BMPER: variants seen among roughly 807,000 people sequenced by gnomAD.
BMPER encodes BMP-binding endothelial regulator protein.
In BMPER, 45 loss-of-function variants were observed where a neutral mutation model predicts 87.3. The observed-to-expected ratio is 0.52, with a 90% confidence interval of 0.41 to 0.66. The LOEUF (loss-of-function observed/expected upper bound fraction) is 0.66. Ranked by LOEUF, BMPER falls within the 30% of genes least tolerant of loss-of-function variation. BMPER has a pLI of 0.00. For synonymous variants in BMPER, 326 were observed against 316.2 expected (o/e 1.03, Z -0.33); for missense variants, 784 against 867.5 (o/e 0.90, Z 1.21).
intron 3 of BMPER, among the ~76,000 whole-genome samples, chr7:33,954,078 A>T (rs1785091917): frequency 6.6e-6 from 1 of 152,200 alleles, no homozygotes; most frequent in African/African-American, 2.4e-5. Flanking sequence ...TCCACTGGGC[A>T]TCTATATTCT....
chr7:33,956,958 C>A (rs540379104), intron 3 of BMPER, among the ~76,000 whole-genome samples: 1 of 152,224 alleles, frequency 6.6e-6, no homozygotes, highest in South Asian at 2.1e-4. Flanking sequence ...CTGGCAAAGA[C>A]GTGGAAAATC....
At chr7:33,995,644 A>G (rs781248314) in intron 6 of BMPER, among the ~76,000 whole-genome samples, 4 of 152,220 alleles carry the variant, frequency 2.6e-5, no homozygotes, top group Admixed American at 1.3e-4. Flanking sequence ...CTCTAAGCAG[A>G]CAGAGACCCC....
chr7:34,125,494 A>G (rs943257163), intron 13 of BMPER, among the ~76,000 whole-genome samples: 2 of 152,296 alleles, frequency 1.3e-5, no homozygotes, highest in Non-Finnish European at 1.5e-5. Flanking sequence ...ATTCTATTTT[A>G]AGTCTTTGAA....
intron 3 of BMPER, among the ~76,000 whole-genome samples, chr7:33,962,657 A>G (rs570980270): frequency 8.5e-5 from 13 of 152,272 alleles, no homozygotes; most frequent in African/African-American, 3.1e-4. Flanking sequence ...TGCTGGTTTA[A>G]AGATATCGTA....
At chr7:34,102,430 A>G (rs1247852548) in intron 13 of BMPER, among the ~76,000 whole-genome samples, 1 of 152,200 alleles carries the variant, frequency 6.6e-6, no homozygotes, top group African/African-American at 2.4e-5. Flanking sequence ...GTCTGTGAAG[A>G]TGCAAATCAT....
chr7:34,097,046 G>A lies in BMPER; in HGVS notation c.1745+10954G>A, dbSNP rs150239266. ...AGCAAAACAAGTTAACAGGAATGTC[G>A]AGAGAGAGGGTTGTGTTTTCTGATA... On this transcript the variant is annotated intron_variant, in intron 13 of 14. Coordinates refer to ENST00000649409, the MANE Select transcript of BMPER (RefSeq NM_001365308.1). Among the ~76,000 whole-genome samples the A allele has an allele frequency of 1.8e-3, 268 of 152,300 alleles. 1 individual carries two copies. Among genetic ancestry groups the A allele is most frequent in the Admixed American group, 2.7e-3 (41 of 15,306 alleles).
At chr7:34,127,609 G>A (rs988268062) in intron 13 of BMPER, among the ~76,000 whole-genome samples, 3 of 151,888 alleles carry the variant, frequency 2.0e-5, no homozygotes, top group East Asian at 1.9e-4. Context: ...TCTCTCCTCC[G>A]CTCCACCCCG....
chr7:34,112,489 C>T (rs868172892), intron 13 of BMPER, among the ~76,000 whole-genome samples: 12 of 85,158 alleles, frequency 1.4e-4, no homozygotes, highest in South Asian at 1.3e-3. Context: ...AGCGAGACTC[C>T]GTCTCAGAAA....
chr7:34,018,249 T>A (rs1235125147), intron 6 of BMPER, among the ~76,000 whole-genome samples: 2 of 151,880 alleles, frequency 1.3e-5, no homozygotes, highest in African/African-American at 4.8e-5. Flanking sequence ...AGAGAGGAGA[T>A]CTGGGAACAT....
intron 3 of BMPER, among the ~76,000 whole-genome samples, chr7:33,958,048 C>T (rs563704674): frequency 3.3e-5 from 5 of 152,148 alleles, no homozygotes; most frequent in South Asian, 2.1e-4. Flanking sequence ...CTATAGCCAC[C>T]GTAATTTTCC....
intron 6 of BMPER, among the ~76,000 whole-genome samples, chr7:34,010,365 A>G (rs2127940553): frequency 6.6e-6 from 1 of 152,080 alleles, no homozygotes; most frequent in Non-Finnish European, 1.5e-5. Flanking sequence ...TGTATGGTTT[A>G]ACTTATTAAT....
chr7:33,946,090 G>A (rs1784887896), intron 3 of BMPER, among the ~76,000 whole-genome samples: 1 of 152,184 alleles, frequency 6.6e-6, no homozygotes, highest in Admixed American at 6.5e-5. Flanking sequence ...GGCTAGGGAG[G>A]CCTCAGGAAA....
At chr7:34,034,256 A>G (rs1317639068) in intron 6 of BMPER, among the ~76,000 whole-genome samples, 3 of 152,190 alleles carry the variant, frequency 2.0e-5, no homozygotes, top group African/African-American at 7.2e-5. Context: ...CTGCTTGGCC[A>G]ATACATGAAT....
intron 10 of BMPER, among the ~76,000 whole-genome samples, chr7:34,059,316 G>GCCGTGC (rs1384341945): frequency 6.6e-6 from 1 of 152,106 alleles, no homozygotes; most frequent in Non-Finnish European, 1.5e-5. Flanking sequence ...TCAGCAGGCC[G>GCCGTGC]CCGTGGAGTT....
chr7:33,948,649 T>C lies in BMPER; in HGVS notation c.319+11261T>C, dbSNP rs561281445. Reference sequence around the variant, plus strand: ...GATCTGGTTTAAAATTGTGTGGCACTTCTCCCTTTGTTCTGTCTCCTGCTG... The same window carrying C: ...GATCTGGTTTAAAATTGTGTGGCACCTCTCCCTTTGTTCTGTCTCCTGCTG... On this transcript the variant is annotated intron_variant, in intron 3 of 14. Transcript: ENST00000649409. 2.0e-5 allele frequency among the ~76,000 whole-genome samples: 3 copies of C among 152,292 alleles called. No individual in the cohort carries two copies. In the South Asian group the frequency reaches 6.2e-4, roughly 32 times the overall value.
chr7:34,119,406 A>G (rs1214925360), intron 13 of BMPER, among the ~76,000 whole-genome samples: 1 of 152,234 alleles, frequency 6.6e-6, no homozygotes, highest in Non-Finnish European at 1.5e-5. Context: ...ATAGCACATC[A>G]TTAAACATTT....
At chr7:33,974,656 C>A in intron 5 of BMPER, 46 bp from the exon 6 acceptor site, 1 of 1,571,622 alleles carries the variant, frequency 6.4e-7, no homozygotes, top group Non-Finnish European at 8.8e-7. Context: ...TCAGGTTGAA[C>A]GATGATGGCT....
At chr7:33,924,121 C>T (rs1268405109) in intron 2 of BMPER, among the ~76,000 whole-genome samples, 5 of 152,194 alleles carry the variant, frequency 3.3e-5, no homozygotes, top group Admixed American at 2.0e-4. Context: ...TTTGCTCCAG[C>T]CAGTGACATC....
chr7:33,966,215 G>T (rs747248323), intron 3 of BMPER, among the ~76,000 whole-genome samples: 10 of 152,178 alleles, frequency 6.6e-5, no homozygotes, highest in Non-Finnish European at 8.8e-5. Context: ...TTTTGGCCAT[G>T]AGAGTTCATC....
Sources: gnomAD v4.1 joint callset for allele counts (sites outside exome capture counted in the v4.1 genomes callset) on GRCh38, gnomAD v4.1.1 for gene constraint, MANE v1.5 for transcripts, NCBI Gene and HGNC (gene_info 2026-07-23, HGNC 2026-07-21) for gene names.